Variants in SMURF1 observed in about 807,000 individuals in gnomAD.
The protein encoded by SMURF1 is E3 ubiquitin-protein ligase SMURF1.
SMURF1 carries 44 observed loss-of-function variants against 98.0 expected under a neutral mutation model. The observed-to-expected ratio is 0.45, with a 90% confidence interval of 0.35 to 0.58. The LOEUF is 0.58. SMURF1 is among the 20% of genes least tolerant of loss of function. The pLI is 0.00. For synonymous variants in SMURF1, 396 were observed against 374.9 expected, an observed-to-expected ratio of 1.06 and a Z score of -0.65; for missense variants, 687 against 938.4, an observed-to-expected ratio of 0.73 and a Z score of 3.50.
At chr7:99,043,046 T>C (rs1563001636) in intron 11 of SMURF1, among the ~76,000 whole-genome samples, 1 of 152,240 alleles carries the variant, frequency 6.6e-6, no homozygotes, top group African/African-American at 2.4e-5. Context: ...ATTGCTGAAT[T>C]TGAATTCATC....
chr7:99,131,054 G>C (rs922065023), intron 1 of SMURF1, among the ~76,000 whole-genome samples: 1 of 152,128 alleles, frequency 6.6e-6, no homozygotes, highest in Non-Finnish European at 1.5e-5. Flanking sequence ...GAGCACAAGG[G>C]GAAGAGATGG....
chr7:99,096,492 C>G (rs898915652), intron 1 of SMURF1, among the ~76,000 whole-genome samples: 6 of 152,120 alleles, frequency 3.9e-5, no homozygotes, highest in African/African-American at 1.4e-4. Flanking sequence ...ATATGCCATG[C>G]AAACACTAAT....
chr7:99,079,823 TATTC>T (rs1796543478), intron 1 of SMURF1, among the ~76,000 whole-genome samples: 1 of 152,138 alleles, frequency 6.6e-6, no homozygotes, highest in Non-Finnish European at 1.5e-5. Context: ...AATGCAGACT[TATTC>T]ATTCACTAGA....
intron 1 of SMURF1, among the ~76,000 whole-genome samples, chr7:99,119,058 C>T (rs532208941): frequency 1.9e-5 from 2 of 104,924 alleles, no homozygotes; most frequent in South Asian, 3.3e-4. Context: ...GACAGGGTCT[C>T]GCTATTTTGC....
intron 1 of SMURF1, among the ~76,000 whole-genome samples, chr7:99,089,931 G>T (rs1024378821): frequency 4.6e-5 from 7 of 152,124 alleles, no homozygotes; most frequent in Non-Finnish European, 7.3e-5. Context: ...GAAGGAAGGG[G>T]TTATTCTTCA....
At chr7:99,062,581 G>A (rs1301748305) in intron 1 of SMURF1, among the ~76,000 whole-genome samples, 1 of 152,176 alleles carries the variant, frequency 6.6e-6, no homozygotes, top group Non-Finnish European at 1.5e-5. Flanking sequence ...GGGCATGGTG[G>A]CTCACGCCTG....
At chr7:99,061,539 G>A (rs774816748) in intron 2 of SMURF1, among the ~76,000 whole-genome samples, 36 of 152,182 alleles carry the variant, frequency 2.4e-4, no homozygotes, top group Non-Finnish European at 4.3e-4. Context: ...CTAATAGGTA[G>A]AGAGGCAGAA....
intron 9 of SMURF1, chr7:99,048,123 C>G (rs1795641941): frequency 2.2e-6 from 1 of 464,242 alleles, no homozygotes; most frequent in Admixed American, 3.4e-5. Context: ...CGTGGTGGCT[C>G]AAGCCTGTAA....
chr7:99,056,993 A>AAAC (rs1795892466), intron 5 of SMURF1, among the ~76,000 whole-genome samples: 1 of 127,780 alleles, frequency 7.8e-6, no homozygotes, highest in Non-Finnish European at 1.7e-5. Flanking sequence ...AAAAAAAACC[A>AAAC]AAAAAAAAAA....
chr7:99,074,250 A>G (rs1030937145), intron 1 of SMURF1, among the ~76,000 whole-genome samples: 16 of 152,378 alleles, frequency 1.1e-4, no homozygotes, highest in Middle Eastern at 3.4e-3. Flanking sequence ...GCCATGCTCT[A>G]TGTCCTGACC....
At chr7:99,080,367 C>T (rs1443158759) in intron 1 of SMURF1, among the ~76,000 whole-genome samples, 1 of 152,112 alleles carries the variant, frequency 6.6e-6, no homozygotes, top group East Asian at 1.9e-4. Context: ...CGGCGCGATC[C>T]CGGCTCACTG....
intron 1 of SMURF1, among the ~76,000 whole-genome samples, chr7:99,091,874 A>G (rs1289303090): frequency 6.6e-6 from 1 of 152,156 alleles, no homozygotes. Context: ...CACCAGCCTA[A>G]TATCAATCCC....
chr7:99,057,559 G>C lies in SMURF1; in HGVS notation c.204-8C>G, dbSNP rs759244480. The C allele has an allele frequency of 3.2e-4, 490 of 1,523,508 alleles. 1 individual carries two copies. Among genetic ancestry groups the C allele is most frequent in the Non-Finnish European group, 4.1e-4 (469 of 1,142,396 alleles). The allele number at this position is 1,523,508 out of a possible 1,614,324, so 94.4% of individuals were successfully genotyped here. ...TCCGTTTTCCCAACATATCTGGAAA[G>C]AAAGTGCAAAACTCATTTTTAATTG... On this transcript the variant is annotated splice_polypyrimidine_tract_variant and splice_region_variant and intron_variant, in intron 3 of 17. Transcript: ENST00000361368.
intron 1 of SMURF1, among the ~76,000 whole-genome samples, chr7:99,110,677 C>A (rs976115162): frequency 4.6e-5 from 7 of 152,224 alleles, no homozygotes; most frequent in African/African-American, 1.7e-4. Flanking sequence ...TCTATCATAT[C>A]TTTTTAAATG....
chr7:99,050,756 C>T (rs1281887466), intron 8 of SMURF1: 1 of 581,038 alleles, frequency 1.7e-6, no homozygotes, highest in Non-Finnish European at 3.0e-6. Context: ...GAAAATCAGA[C>T]AGGAAGTTTA....
chr7:99,066,305 TCTGGGCC>T (rs1796191830), intron 1 of SMURF1, among the ~76,000 whole-genome samples: 1 of 152,072 alleles, frequency 6.6e-6, no homozygotes, highest in East Asian at 1.9e-4. Context: ...AGCCACCAAT[TCTGGGCC>T]CTGGTTTTTG....
At position 99,143,708 on chromosome 7, in the gene SMURF1, G is replaced by A; in HGVS notation, c.55+18C>T. ...CGAGGGGGCGCCGGGGCGCGGGTGGGCCTCCCGCCGGCCGTACCTGTCAGA... is the reference window on the plus strand; with the variant it reads ...CGAGGGGGCGCCGGGGCGCGGGTGGACCTCCCGCCGGCCGTACCTGTCAGA... On this transcript the variant is annotated intron_variant, in intron 1 of 17. Coordinates refer to ENST00000361368, the MANE Select transcript of SMURF1 (RefSeq NM_181349.3). The A allele has an allele frequency of 6.5e-7, 1 of 1,548,320 alleles. No individual in the cohort carries two copies. Among genetic ancestry groups the A allele is most frequent in the South Asian group, 1.2e-5 (1 of 84,640 alleles).
intron 1 of SMURF1, among the ~76,000 whole-genome samples, chr7:99,112,952 A>G (rs575523748): frequency 2.2e-4 from 34 of 152,310 alleles, no homozygotes; most frequent in Non-Finnish European, 3.7e-4. Flanking sequence ...ACCTGAGAAT[A>G]GGTAACTTGA....
intron 1 of SMURF1, among the ~76,000 whole-genome samples, chr7:99,073,007 C>T (rs1229717774): frequency 2.0e-5 from 3 of 152,130 alleles, no homozygotes; most frequent in African/African-American, 4.8e-5. Context: ...AAGTTAGTGA[C>T]GGAGATAAGA....
Sources: allele counts gnomAD v4.1 joint callset (sites outside exome capture counted in the v4.1 genomes callset), GRCh38; gene constraint gnomAD v4.1.1; transcripts MANE v1.5; gene names NCBI Gene and HGNC (gene_info 2026-07-23, HGNC 2026-07-21).